The following SEMA6D variants were observed in gnomAD, a reference collection of about 807,000 sequenced individuals.
SEMA6D encodes semaphorin-6D.
A neutral mutation model predicts 106.6 loss-of-function variants in SEMA6D; 35 were observed. The ratio of observed to expected loss-of-function variants is 0.33; its 90% CI spans 0.25 to 0.44. The LOEUF (loss-of-function observed/expected upper bound fraction) is 0.44. SEMA6D is among the 20% of genes least tolerant of loss of function. SEMA6D has a pLI of 1.00. For synonymous variants in SEMA6D, 499 were observed against 487.7 expected (o/e 1.02, Z -0.31); for missense variants, 1,185 against 1,345.9 (o/e 0.88, Z 1.87).
intron 1 of SEMA6D, among the ~76,000 whole-genome samples, chr15:47,386,864 C>G (rs1033422883): frequency 2.0e-5 from 3 of 152,224 alleles, no homozygotes; most frequent in African/African-American, 7.2e-5. Flanking sequence ...GGCTTAGACA[C>G]AGAGCCAAGA....
intron 4 of SEMA6D, among the ~76,000 whole-genome samples, chr15:47,616,597 AT>A (rs2077011853): frequency 7.0e-6 from 1 of 142,768 alleles, no homozygotes; most frequent in Non-Finnish European, 1.5e-5. Flanking sequence ...AAAAAAAAAG[AT>A]GATCCTAGAC....
chr15:47,546,637 C>A (rs993956843), intron 3 of SEMA6D, among the ~76,000 whole-genome samples: 2 of 151,948 alleles, frequency 1.3e-5, no homozygotes, highest in African/African-American at 4.8e-5. Context: ...TTTCCTCCCC[C>A]AGCCCCCTAA....
At chr15:47,631,723 A>G (rs1035851025) in intron 4 of SEMA6D, among the ~76,000 whole-genome samples, 1 of 151,998 alleles carries the variant, frequency 6.6e-6, no homozygotes, top group Non-Finnish European at 1.5e-5. Context: ...GTAGAACCAG[A>G]GAGAGGCCCA....
intron 1 of SEMA6D, among the ~76,000 whole-genome samples, chr15:47,229,168 A>G (rs1197187759): frequency 6.6e-6 from 1 of 152,058 alleles, no homozygotes; most frequent in Non-Finnish European, 1.5e-5. Context: ...CTTCATTTCA[A>G]ACTAGAATCA....
intron 3 of SEMA6D, among the ~76,000 whole-genome samples, chr15:47,541,255 A>G (rs1596278715): frequency 6.6e-6 from 1 of 152,224 alleles, no homozygotes; most frequent in East Asian, 1.9e-4. Context: ...GTTTTCCAGA[A>G]AGATATTTTA....
rs1416242843 is a variant in SEMA6D at position 47,350,575 on chromosome 15, T to G, written c.-238-61818T>G. On this transcript the variant is annotated intron_variant, in intron 1 of 19. Transcript: ENST00000558014. ...CCTGGGCTTTCCACTTAAACACGATTTTGATGTTTGTTTTCGTGCGGAGGA... is the reference window on the plus strand; with the variant it reads ...CCTGGGCTTTCCACTTAAACACGATGTTGATGTTTGTTTTCGTGCGGAGGA... 3.3e-5 allele frequency among the ~76,000 whole-genome samples: 5 copies of G among 152,310 alleles called. No homozygotes were observed. The East Asian group carries it at 7.7e-4, about 24-fold the overall frequency.
At chr15:47,529,231 G>A (rs2044866331) in intron 3 of SEMA6D, among the ~76,000 whole-genome samples, 1 of 152,140 alleles carries the variant, frequency 6.6e-6, no homozygotes, top group African/African-American at 2.4e-5. Context: ...TTCATGTTGA[G>A]TAGGCTGAGG....
intron 1 of SEMA6D, among the ~76,000 whole-genome samples, chr15:47,195,326 A>G (rs2140999656): frequency 6.6e-6 from 1 of 152,266 alleles, no homozygotes; most frequent in African/African-American, 2.4e-5. Flanking sequence ...GGGCTGCATC[A>G]TCCGTTCCCT....
Position 47,333,441 on chromosome 15 carries a change from G to T in SEMA6D, c.-238-78952G>T, listed in dbSNP as rs16959269. 0.011 allele frequency among the ~76,000 whole-genome samples: 1,605 copies of T among 152,200 alleles called. 90 individuals are homozygous for T. The East Asian group carries it at 0.17, about 16-fold the overall frequency. On this transcript the variant is annotated intron_variant, in intron 1 of 19. Transcript: ENST00000558014. ...TTAGTGAACATAGCTGTGTAGTTCA[G>T]ATCAAAAGGCCATACAAAACACCCC...
intron 4 of SEMA6D, among the ~76,000 whole-genome samples, chr15:47,690,782 C>G (rs2078569372): frequency 7.2e-6 from 1 of 139,804 alleles, no homozygotes; most frequent in Admixed American, 7.3e-5. Context: ...TTTGTAGAAA[C>G]CGGGCTATTT....
At chr15:47,216,348 A>T (rs2030596620) in intron 1 of SEMA6D, among the ~76,000 whole-genome samples, 1 of 152,226 alleles carries the variant, frequency 6.6e-6, no homozygotes, top group Admixed American at 6.5e-5. Context: ...AAAAACAAAC[A>T]TACGCACAAG....
intron 4 of SEMA6D, among the ~76,000 whole-genome samples, chr15:47,693,285 C>T (rs905950896): frequency 1.3e-5 from 2 of 152,126 alleles, no homozygotes; most frequent in African/African-American, 4.8e-5. Context: ...ACTCTTCCCT[C>T]AAAGCTCTCA....
intron 4 of SEMA6D, among the ~76,000 whole-genome samples, chr15:47,622,201 CAAAAA>C (rs199839582): frequency 6.4e-5 from 4 of 62,798 alleles, no homozygotes; most frequent in Admixed American, 1.7e-4. Flanking sequence ...GAAACCCAGC[CAAAAA>C]AAAAAAAAAA....
intron 1 of SEMA6D, among the ~76,000 whole-genome samples, chr15:47,334,439 C>A (rs958517082): frequency 1.3e-5 from 2 of 152,188 alleles, no homozygotes; most frequent in African/African-American, 4.8e-5. Flanking sequence ...GTCTTAAGGA[C>A]TGAGCCCTCA....
intron 2 of SEMA6D, among the ~76,000 whole-genome samples, chr15:47,463,635 T>A (rs1340054842): frequency 6.6e-6 from 1 of 152,188 alleles, no homozygotes; most frequent in Non-Finnish European, 1.5e-5. Context: ...CACCTTAAAG[T>A]TGGACAAACT....
chr15:47,469,831 ATTTAC>A (rs1347061289), intron 2 of SEMA6D, among the ~76,000 whole-genome samples: 1 of 152,176 alleles, frequency 6.6e-6, no homozygotes, highest in Non-Finnish European at 1.5e-5. Context: ...AAGTGTTATT[ATTTAC>A]TTAAGATTTA....
intron 2 of SEMA6D, among the ~76,000 whole-genome samples, chr15:47,450,197 A>G (rs556482093): frequency 6.6e-6 from 1 of 152,310 alleles, no homozygotes; most frequent in African/African-American, 2.4e-5. Flanking sequence ...ATTAAAATAA[A>G]TCAAAATATC....
intron 2 of SEMA6D, among the ~76,000 whole-genome samples, chr15:47,433,326 A>C (rs1414652230): frequency 3.3e-5 from 5 of 151,410 alleles, no homozygotes; most frequent in African/African-American, 4.8e-5. Flanking sequence ...ATCGCCAAGT[A>C]TTTATATATT....
At chr15:47,194,779 C>T (rs1480918336) in intron 1 of SEMA6D, among the ~76,000 whole-genome samples, 1 of 152,164 alleles carries the variant, frequency 6.6e-6, no homozygotes, top group Non-Finnish European at 1.5e-5. Flanking sequence ...TCTATCTTTA[C>T]AGACAAACTT....
Sources: allele counts gnomAD v4.1 joint callset (sites outside exome capture counted in the v4.1 genomes callset), GRCh38; gene constraint gnomAD v4.1.1; transcripts MANE v1.5; gene names NCBI Gene and HGNC (gene_info 2026-07-23, HGNC 2026-07-21).